Variants in PRMT7 observed in about 807,000 individuals in gnomAD.
PRMT7 encodes protein arginine methyltransferase 7, also known as protein arginine N-methyltransferase 7.
Under a neutral mutation model 85.4 loss-of-function variants are expected in PRMT7, and 75 were observed. The ratio of observed to expected loss-of-function variants is 0.88; its 90% CI spans 0.73 to 1.06. PRMT7 has a LOEUF of 1.06. Ranked by LOEUF, PRMT7 falls within the 50% of genes least tolerant of loss-of-function variation. The pLI is 0.00. For synonymous variants in PRMT7, 397 were observed against 359.5 expected (o/e 1.10, Z -1.18); for missense variants, 868 against 915.2 (o/e 0.95, Z 0.67).
chr16:68,348,629 CTCTT>C (rs2086775564), intron 14 of PRMT7, among the ~76,000 whole-genome samples, 198 bp downstream of exon 14: 1 of 125,154 alleles, frequency 8.0e-6, no homozygotes, highest in African/African-American at 3.6e-5. Flanking sequence ...GGTTGCACTG[CTCTT>C]TTTTTTTTTT....
In PRMT7 at chr16:68,357,542, A is replaced by G. The variant is rs2088816010; in HGVS notation, c.*318A>G. ...CCAGCTGGGAAGGGAGTGGAAGCAC[A>G]GGGAGCTTGTGGGGCTGGCCGGTGG... On this transcript the variant is annotated 3_prime_UTR_variant, in exon 19 of 19. Coordinates refer to ENST00000441236, the MANE Select transcript of PRMT7 (RefSeq NM_019023.5). 7.2e-6 allele frequency: 2 copies of G among 278,480 alleles called. No individual in the cohort carries two copies. Among genetic ancestry groups the G allele is most frequent in the African/African-American group, 4.4e-5 (2 of 45,458 alleles). The allele number at this position is 278,480 out of a possible 1,614,324, so 17.3% of individuals were successfully genotyped here.
At chr16:68,359,440 G>A (rs2089099682), downstream of PRMT7, 1 of 152,690 alleles carries the variant, frequency 6.5e-6, no homozygotes, top group African/African-American at 2.4e-5. Flanking sequence ...GGCCAGGTGA[G>A]TTCAGACAGG....
intron 1 of PRMT7, 185 bp downstream of exon 1, chr16:68,311,284 C>T: frequency 5.3e-6 from 2 of 380,180 alleles, no homozygotes; most frequent in South Asian, 2.3e-5. Context: ...GGCCCCGGCT[C>T]TGCAGTGCAG....
rs140216196 is a variant in PRMT7, at chr16:68,330,543, A to G, written c.391+1369A>G. Among the ~76,000 whole-genome samples, 14 of 151,114 alleles carry G rather than the reference A, an allele frequency of 9.3e-5. No homozygotes were observed. In the East Asian group the frequency reaches 2.5e-3, roughly 27 times the overall value. On this transcript the variant is annotated intron_variant, in intron 6 of 18. Transcript: ENST00000441236. The stretch of plus-strand genomic sequence containing the variant: ...GTCAACATTATTCTCCCATTTAACA[A>G]TTTTTTTTTAATGGAGAATCTGAAA...
chr16:68,351,948 C>G (rs2087438606), intron 14 of PRMT7: 1 of 253,126 alleles, frequency 4.0e-6, no homozygotes, highest in Non-Finnish European at 7.5e-6. Context: ...GTCAGCCCCA[C>G]TTTGTCTGCT....
intron 14 of PRMT7, 33 bp downstream of exon 14, chr16:68,348,464 C>T (rs2086737107): frequency 1.3e-6 from 2 of 1,550,194 alleles, no homozygotes; most frequent in Non-Finnish European, 1.8e-6. Context: ...CCACGCTGGG[C>T]TGTGTTAGGG....
chr16:68,319,668 A>G (rs1474825725), intron 3 of PRMT7, among the ~76,000 whole-genome samples: 2 of 150,088 alleles, frequency 1.3e-5, no homozygotes, highest in Non-Finnish European at 2.9e-5. Flanking sequence ...CTGTGGCACA[A>G]TTGCCTGGAG....
chr16:68,337,702 C>CT, intron 7 of PRMT7, 131 bp downstream of exon 7: 5 of 403,284 alleles, frequency 1.2e-5, no homozygotes, highest in East Asian at 7.8e-5. Flanking sequence ...CCCTCCATTC[C>CT]TGGGGGGGCT....
chr16:68,346,553 G>A (rs1352564473), intron 11 of PRMT7, among the ~76,000 whole-genome samples: 2 of 133,400 alleles, frequency 1.5e-5, no homozygotes, highest in Admixed American at 7.6e-5. Flanking sequence ...TCATTGCTGT[G>A]GGTGGTCACG....
intron 4 of PRMT7, chr16:68,324,020 A>G (rs1190520217): frequency 4.6e-5 from 7 of 152,282 alleles, no homozygotes; most frequent in Admixed American, 4.6e-4. Flanking sequence ...CAAGCCATAC[A>G]TATTGCAGCA....
intron 4 of PRMT7, chr16:68,322,389 A>G: frequency 2.2e-6 from 1 of 451,458 alleles, no homozygotes; most frequent in South Asian, 1.6e-5. Flanking sequence ...GTAGAGGCAG[A>G]GTTTCGCTGT....
intron 6 of PRMT7, among the ~76,000 whole-genome samples, chr16:68,330,698 G>A (rs779475685): frequency 2.6e-5 from 4 of 152,040 alleles, no homozygotes; most frequent in Non-Finnish European, 5.9e-5. Context: ...ATGTTCAAGC[G>A]ATTCTCCTGC....
intron 14 of PRMT7, among the ~76,000 whole-genome samples, chr16:68,349,126 T>TA (rs1488468550): frequency 6.6e-6 from 1 of 152,140 alleles, no homozygotes; most frequent in East Asian, 1.9e-4. Flanking sequence ...ACCTCGTCGT[T>TA]ACTCCCACGG....
At chr16:68,317,156 T>G (rs1414781497) in intron 3 of PRMT7, among the ~76,000 whole-genome samples, 1 of 145,952 alleles carries the variant, frequency 6.9e-6, no homozygotes. Flanking sequence ...GAAAATCACT[T>G]GAACTCGGGA....
chr16:68,329,728 G>A (rs996834563), intron 6 of PRMT7, among the ~76,000 whole-genome samples: 1 of 152,076 alleles, frequency 6.6e-6, no homozygotes, highest in African/African-American at 2.4e-5. Flanking sequence ...AATTAGCCAG[G>A]CATGGTGGTG....
intron 6 of PRMT7, among the ~76,000 whole-genome samples, chr16:68,331,064 C>T (rs938218323): frequency 6.6e-6 from 1 of 152,160 alleles, no homozygotes; most frequent in Non-Finnish European, 1.5e-5. Flanking sequence ...AATAGAACAT[C>T]TCCATCATGC....
At chr16:68,345,609 G>A (rs1182494853) in intron 9 of PRMT7, 66 bp from the exon 10 acceptor site, 4 of 1,601,050 alleles carry the variant, frequency 2.5e-6, no homozygotes, top group Non-Finnish European at 3.4e-6. Flanking sequence ...CTGGCATTTG[G>A]CTCCTGGATT....
intron 3 of PRMT7, among the ~76,000 whole-genome samples, chr16:68,321,129 CGTG>C (rs2151432314): frequency 6.6e-6 from 1 of 152,060 alleles, no homozygotes; most frequent in Non-Finnish European, 1.5e-5. Flanking sequence ...ATTAGCCAGG[CGTG>C]GTGGTGAGCA....
Position 68,345,527 on chromosome 16 carries a change from G to A in PRMT7, c.928-148G>A, listed in dbSNP as rs756587163. ...TGGGCCACTGGCCTCTGAGTTTAGA[G>A]TTTATTTATCTCCTTGGCCACAATA... On this transcript the variant is annotated intron_variant, in intron 9 of 18. Coordinates refer to ENST00000441236, the MANE Select transcript of PRMT7 (RefSeq NM_019023.5). The A allele has an allele frequency of 1.9e-4, 236 of 1,214,550 alleles. 3 individuals are homozygous for A. In the Middle Eastern group the frequency reaches 3.2e-3, roughly 17 times the overall value. The allele number at this position is 1,214,550 out of a possible 1,614,324, so 75.2% of individuals were successfully genotyped here. A position where few individuals can be genotyped will look rare whatever the true frequency, so the allele number is the denominator to read the frequency against.
Sources: allele counts gnomAD v4.1 joint callset (sites outside exome capture counted in the v4.1 genomes callset), GRCh38; gene constraint gnomAD v4.1.1; transcripts MANE v1.5; gene names NCBI Gene and HGNC (gene_info 2026-07-23, HGNC 2026-07-21).